Variants in SCTR observed in about 807,000 individuals in gnomAD.
SCTR encodes the protein secretin receptor.
Under a neutral mutation model 60.8 loss-of-function variants are expected in SCTR, and 56 were observed. The ratio of observed to expected loss-of-function variants is 0.92; its 90% CI spans 0.74 to 1.15. SCTR has a LOEUF of 1.15. Ranked by LOEUF, SCTR falls within the 50% of genes most tolerant of loss-of-function variation. The probability of loss-of-function intolerance (pLI) is 0.00; values close to 1 mark genes in which losing one functional copy is unlikely to be tolerated. For missense variants in SCTR, 562 were observed against 550.4 expected (o/e 1.02, Z -0.21); for synonymous variants, 202 against 217.0 (o/e 0.93, Z 0.61).
chr2:119,471,447 G>A (rs1391621790), intron 4 of SCTR, among the ~76,000 whole-genome samples: 3 of 152,124 alleles, frequency 2.0e-5, no homozygotes, highest in Non-Finnish European at 4.4e-5. Flanking sequence ...TGAAGACCTC[G>A]TGTATGTTCC....
Position 119,449,135 on chromosome 2 carries a change from C to T in SCTR, c.922-355G>A, listed in dbSNP as rs1172415419. Among the ~76,000 whole-genome samples, 5 of 152,194 alleles carry T rather than the reference C, an allele frequency of 3.3e-5. No individual in the cohort carries two copies. In the East Asian group the frequency reaches 9.6e-4, roughly 29 times the overall value. On this transcript the variant is annotated intron_variant, in intron 9 of 12. Transcript: ENST00000019103. ...GAGATTCTGCATTTCTAACAAGCTC[C>T]CAGGTAATACAATGCCAAAGCTGAA...
Position 119,502,369 on chromosome 2 carries a change from G to A in SCTR, c.73-7821C>T, listed in dbSNP as rs75928803. On this transcript the variant is annotated intron_variant, in intron 1 of 12. Transcript: ENST00000019103. ...GAGAACAACATAATGCTGATAAAAG[G>A]AATCAGAAGTCTAAATAAATGAAGA... Among the ~76,000 whole-genome samples the A allele has an allele frequency of 7.5e-3, 1,148 of 152,296 alleles. 13 individuals are homozygous for A. The highest frequency in any genetic ancestry group is 0.026 in the African/African-American group (1,095 of 41,558).
At chr2:119,485,803 A>G (rs972623014) in intron 2 of SCTR, 3 of 152,896 alleles carry the variant, frequency 2.0e-5, no homozygotes, top group African/African-American at 7.2e-5. Flanking sequence ...AGGCACTTCC[A>G]CTGCTCACCC....
At chr2:119,523,093 A>G (rs549576448) in intron 1 of SCTR, among the ~76,000 whole-genome samples, 3 of 152,278 alleles carry the variant, frequency 2.0e-5, no homozygotes, top group Non-Finnish European at 4.4e-5. Flanking sequence ...AAGGGAAGAC[A>G]AGGAGGCTGG....
intron 7 of SCTR, among the ~76,000 whole-genome samples, chr2:119,457,491 C>T (rs911781912): frequency 6.6e-6 from 1 of 152,166 alleles, no homozygotes; most frequent in Admixed American, 6.5e-5. Flanking sequence ...GCAGGAGGAT[C>T]GTTTGGGCCC....
intron 1 of SCTR, among the ~76,000 whole-genome samples, chr2:119,511,159 C>T (rs565136647): frequency 1.3e-5 from 2 of 151,918 alleles, no homozygotes; most frequent in African/African-American, 4.8e-5. Flanking sequence ...GCCCAGATAG[C>T]GCCACTGCAC....
chr2:119,451,661 A>C (rs1683174718), intron 9 of SCTR, among the ~76,000 whole-genome samples: 1 of 152,210 alleles, frequency 6.6e-6, no homozygotes, highest in Non-Finnish European at 1.5e-5. Flanking sequence ...AATCCCTAGA[A>C]AAATGTTCAA....
At chr2:119,490,888 C>T (rs144917584) in intron 2 of SCTR, among the ~76,000 whole-genome samples, 8 of 152,310 alleles carry the variant, frequency 5.3e-5, no homozygotes, top group Admixed American at 3.9e-4. Flanking sequence ...GAAAACTGCT[C>T]GCTCTGAAGC....
At chr2:119,485,362 A>T (rs1486496867) in intron 2 of SCTR, among the ~76,000 whole-genome samples, 2 of 152,130 alleles carry the variant, frequency 1.3e-5, no homozygotes, top group Non-Finnish European at 2.9e-5. Flanking sequence ...TCCTGCCCAC[A>T]GGGATAGAGA....
chr2:119,454,370 G>A (rs908745223), intron 7 of SCTR, among the ~76,000 whole-genome samples: 1 of 152,110 alleles, frequency 6.6e-6, no homozygotes, highest in Non-Finnish European at 1.5e-5. Flanking sequence ...TGGAATTACT[G>A]AACCAAGGAG....
chr2:119,441,514 G>A, intron 12 of SCTR, 44 bp downstream of exon 12: 3 of 1,531,510 alleles, frequency 2.0e-6, no homozygotes, highest in Non-Finnish European at 2.7e-6. Flanking sequence ...GAAACCAATG[G>A]CTAGGAGCTC....
At chr2:119,503,515 G>A (rs1678626488) in intron 1 of SCTR, among the ~76,000 whole-genome samples, 1 of 152,178 alleles carries the variant, frequency 6.6e-6, no homozygotes, top group Non-Finnish European at 1.5e-5. Flanking sequence ...CAGTCTGGGG[G>A]ACAGAGTGAG....
intron 2 of SCTR, among the ~76,000 whole-genome samples, chr2:119,490,715 C>T (rs943304936): frequency 3.3e-5 from 5 of 152,214 alleles, no homozygotes; most frequent in African/African-American, 4.8e-5. Context: ...GGGGGTGTAC[C>T]TCTCCAGCCC....
Position 119,439,979 on chromosome 2 carries a change from C to T in SCTR, c.*138G>A. ...GTGCCTCACATCCCTTCGGAAGAGT[C>T]CAAGGCCTGGGGAGGGGCATCTTCA... is the stretch of plus-strand genomic sequence containing the variant. On this transcript the variant is annotated 3_prime_UTR_variant, in exon 13 of 13. Coordinates refer to ENST00000019103, the MANE Select transcript of SCTR (RefSeq NM_002980.3). The T allele has an allele frequency of 1.1e-6, 1 of 898,916 alleles. No homozygotes were observed. The highest frequency in any genetic ancestry group is 1.7e-6 in the Non-Finnish European group (1 of 599,302). 55.7% of individuals were successfully genotyped at this position (898,916 alleles called of 1,614,324 possible).
chr2:119,442,186 G>C (rs1246123637), intron 11 of SCTR, among the ~76,000 whole-genome samples: 2 of 152,200 alleles, frequency 1.3e-5, no homozygotes, highest in Non-Finnish European at 2.9e-5. Flanking sequence ...GGTGTGGCAA[G>C]GTCTGTGCCT....
chr2:119,520,299 A>C (rs1050984980), intron 1 of SCTR, among the ~76,000 whole-genome samples: 4 of 152,170 alleles, frequency 2.6e-5, no homozygotes, highest in Admixed American at 2.0e-4. Flanking sequence ...CCAGGAGTTC[A>C]GGACCAACCT....
intron 4 of SCTR, among the ~76,000 whole-genome samples, chr2:119,469,092 G>A (rs1420584283): frequency 2.0e-5 from 3 of 152,134 alleles, no homozygotes; most frequent in Non-Finnish European, 2.9e-5. Context: ...CACCTCTCAG[G>A]GATGTGAGGA....
chr2:119,461,757 G>C, intron 7 of SCTR, 90 bp downstream of exon 7: 1 of 977,498 alleles, frequency 1.0e-6, no homozygotes. Context: ...GTTAAGTGTG[G>C]AGCTGGAACT....
chr2:119,499,856 G>A (rs1262296395), intron 1 of SCTR, among the ~76,000 whole-genome samples: 1 of 151,972 alleles, frequency 6.6e-6, no homozygotes, highest in Non-Finnish European at 1.5e-5. Flanking sequence ...CTTAAGGATG[G>A]CAAGATGTCT....
Sources: gnomAD v4.1 joint callset for allele counts (sites outside exome capture counted in the v4.1 genomes callset) on GRCh38, gnomAD v4.1.1 for gene constraint, MANE v1.5 for transcripts, NCBI Gene and HGNC (gene_info 2026-07-23, HGNC 2026-07-21) for gene names.